Variants in AP1S3 observed in about 807,000 individuals in gnomAD.
AP1S3 encodes AP-1 complex subunit sigma-3.
Under a neutral mutation model 20.9 loss-of-function variants are expected in AP1S3, and 10 were observed. The observed-to-expected ratio is 0.48, with a 90% confidence interval of 0.29 to 0.81. The LOEUF (loss-of-function observed/expected upper bound fraction) is 0.81. Among genes scored for constraint, AP1S3 ranks in the 30% least tolerant of loss-of-function variants. The pLI is 0.08. For missense variants in AP1S3, 154 were observed against 183.8 expected, an observed-to-expected ratio of 0.84 and a Z score of 0.94; for synonymous variants, 41 against 61.5, an observed-to-expected ratio of 0.67 and a Z score of 1.56.
chr2:223,758,376 C>T lies in AP1S3; in HGVS notation c.*339G>A. On this transcript the variant is annotated 3_prime_UTR_variant, in exon 5 of 5. Coordinates refer to ENST00000396654, the MANE Select transcript of AP1S3 (RefSeq NM_001039569.2). The stretch of plus-strand genomic sequence containing the variant: ...GATTATTACAATATTGTGTCAAATG[C>T]AAAAAAAATTGCAGCTAATGTATCT... 1 of 1,032,294 alleles carries T rather than the reference C, an allele frequency of 9.7e-7. No homozygotes were observed. The highest frequency in any genetic ancestry group is 1.2e-6 in the Non-Finnish European group (1 of 860,766). 63.9% of individuals were successfully genotyped at this position (1,032,294 alleles called of 1,614,324 possible).
chr2:223,771,336 C>T (rs886934568), intron 3 of AP1S3, among the ~76,000 whole-genome samples: 4 of 151,874 alleles, frequency 2.6e-5, no homozygotes, highest in Non-Finnish European at 5.9e-5. Context: ...GACTCTGTCT[C>T]GGGAAAAAGA....
At chr2:223,772,115 T>A (rs899977738) in intron 3 of AP1S3, among the ~76,000 whole-genome samples, 1 of 152,066 alleles carries the variant, frequency 6.6e-6, no homozygotes, top group African/African-American at 2.4e-5. Context: ...CTCAAAAAAA[T>A]AAATAAATAA....
rs1692330066 is a variant in AP1S3, at chr2:223,833,713, G to T, written c.3+3735C>A. Among the ~76,000 whole-genome samples the T allele has an allele frequency of 2.0e-5, 3 of 152,244 alleles. No individual in the cohort carries two copies. The South Asian group carries it at 6.2e-4, about 32-fold the overall frequency. On this transcript the variant is annotated intron_variant, in intron 1 of 4. Coordinates refer to ENST00000396654, the MANE Select transcript of AP1S3 (RefSeq NM_001039569.2). ...CTCAGAGCAGCTGGGCACTAGCGAG[G>T]GCCGCCAATTCTTTCTTACAACTTG... is the stretch of plus-strand genomic sequence containing the variant.
At position 223,755,529 on chromosome 2, in the gene AP1S3, A is replaced by AT. The variant is rs66977512; in HGVS notation, c.*3185dup. Among the ~76,000 whole-genome samples, 24,439 of 118,212 alleles carry AT rather than the reference A, an allele frequency of 0.21. 4,323 individuals are homozygous for AT. The highest frequency in any genetic ancestry group is 0.48 in the East Asian group (2,080 of 4,340). The allele number at this position is 118,212 out of a possible 152,430, so 77.6% of individuals were successfully genotyped here. ...CATATAGATATGTTTACTTACTTTC[A>AT]TTTTTTTTTTTTTTTTTTTGAGACA... On this transcript the variant is annotated 3_prime_UTR_variant, in exon 5 of 5. Transcript: ENST00000396654.
intron 1 of AP1S3, among the ~76,000 whole-genome samples, chr2:223,814,810 T>A (rs1207842271): frequency 1.3e-5 from 2 of 152,220 alleles, no homozygotes; most frequent in African/African-American, 4.8e-5. Flanking sequence ...AGGGTCTTAC[T>A]CTGTCACCCA....
At chr2:223,821,330 T>C (rs1276744287) in intron 1 of AP1S3, among the ~76,000 whole-genome samples, 2 of 151,986 alleles carry the variant, frequency 1.3e-5, no homozygotes, top group African/African-American at 4.8e-5. Flanking sequence ...TAATTTTTTG[T>C]ATTTTTAGTA....
At chr2:223,781,994 G>A (rs1690959089) in intron 1 of AP1S3, among the ~76,000 whole-genome samples, 1 of 151,134 alleles carries the variant, frequency 6.6e-6, no homozygotes. Context: ...TCACTGATTT[G>A]GAGATAGGCT....
rs775000674 is a variant in AP1S3 at position 223,828,295 on chromosome 2, C to CTTT, written c.3+9150_3+9152dup. 7.4e-3 allele frequency among the ~76,000 whole-genome samples: 972 copies of CTTT among 131,370 alleles called. 51 individuals are homozygous for CTTT. Among genetic ancestry groups the CTTT allele is most frequent in the African/African-American group, 0.025 (881 of 35,456 alleles). 86.2% of individuals were successfully genotyped at this position (131,370 alleles called of 152,430 possible). On this transcript the variant is annotated intron_variant, in intron 1 of 4. Coordinates refer to ENST00000396654, the MANE Select transcript of AP1S3 (RefSeq NM_001039569.2). ...CCCCTCACCACATTCTCCTCTCTCT[C>CTTT]TTTTTTTTTTTTTTTTTTTGAGACA...
intron 2 of AP1S3, 99 bp from the exon 3 acceptor site, chr2:223,776,108 G>T: frequency 1.2e-6 from 1 of 811,696 alleles, no homozygotes; most frequent in Non-Finnish European, 2.1e-6. Context: ...CCCCCGCCGA[G>T]CCTCTCCTCA....
At chr2:223,770,099 C>A (rs1014042535) in intron 3 of AP1S3, 10 of 1,472,434 alleles carry the variant, frequency 6.8e-6, no homozygotes. Flanking sequence ...AAATATGCAT[C>A]ATTTTTGCAG....
Position 223,755,952 on chromosome 2 carries a change from T to C in AP1S3, c.*2763A>G, listed in dbSNP as rs192303031. ...GTATATTTGAATGAGGTTCAAGAGA[T>C]ACCTTTATCCAAATATGGTGACAAA... On this transcript the variant is annotated 3_prime_UTR_variant, in exon 5 of 5. Transcript: ENST00000396654. 2.0e-6 allele frequency: 2 copies of C among 985,360 alleles called. No homozygotes were observed. The highest frequency in any genetic ancestry group is 2.4e-6 in the Non-Finnish European group (2 of 829,950). The allele number at this position is 985,360 out of a possible 1,614,324, so 61.0% of individuals were successfully genotyped here.
At chr2:223,811,931 A>G (rs1691740010) in intron 1 of AP1S3, among the ~76,000 whole-genome samples, 1 of 152,222 alleles carries the variant, frequency 6.6e-6, no homozygotes, top group Non-Finnish European at 1.5e-5. Flanking sequence ...TCAGTTCTAC[A>G]TGTTTATGTA....
intron 1 of AP1S3, among the ~76,000 whole-genome samples, chr2:223,782,738 T>C (rs1559281808): frequency 6.6e-6 from 1 of 152,144 alleles, no homozygotes; most frequent in Non-Finnish European, 1.5e-5. Context: ...CAGCAACAAA[T>C]AGATTCAAGC....
intron 1 of AP1S3, among the ~76,000 whole-genome samples, chr2:223,793,600 A>C (rs1037002964): frequency 6.6e-6 from 1 of 152,138 alleles, no homozygotes; most frequent in Non-Finnish European, 1.5e-5. Context: ...AGAATAGCTA[A>C]GGAGGAAGAG....
chr2:223,775,960 G>A lies in AP1S3; in HGVS notation c.232C>T (p.Leu78Phe). Residue 78 changes from leucine to phenylalanine, a missense_variant, in exon 3 of 5, where the codon CTC (leucine) becomes TTC (phenylalanine). Leu to Phe is a conservative substitution (Grantham distance 22). Coordinates refer to ENST00000396654, the MANE Select transcript of AP1S3 (RefSeq NM_001039569.2). The stretch of plus-strand genomic sequence containing the variant: ...CGATGCACAATCTCTAGCGTCAAGA[G>A]CTCATTGTCCTGATTTTCTATTGCA... ...CCAIENQDNE[L>F]LTLEIVHRYV... The A allele has an allele frequency of 1.2e-6, 2 of 1,614,110 alleles. No individual in the cohort carries two copies. The highest frequency in any genetic ancestry group is 1.7e-6 in the Non-Finnish European group (2 of 1,180,000).
chr2:223,805,343 A>G (rs976019472), intron 1 of AP1S3, among the ~76,000 whole-genome samples: 1 of 152,112 alleles, frequency 6.6e-6, no homozygotes. Flanking sequence ...CTCGGGAGCC[A>G]GAGGCAGGAG....
intron 1 of AP1S3, among the ~76,000 whole-genome samples, chr2:223,798,667 G>C (rs16865217): frequency 0.016 from 2,473 of 152,312 alleles, 74 homozygotes; most frequent in African/African-American, 0.056. Context: ...TAGACAGGTA[G>C]TTACACTGAA....
rs183365271 is a variant in AP1S3 at position 223,825,205 on chromosome 2, C to T, written c.3+12243G>A. On this transcript the variant is annotated intron_variant, in intron 1 of 4. Transcript: ENST00000396654. ...GCGGGCGCCTGTAGTCCCAGCTACT[C>T]CTGAGGCTGAGATAGGAGAATGGCG... Among the ~76,000 whole-genome samples, 390 of 151,576 alleles carry T rather than the reference C, an allele frequency of 2.6e-3. 4 individuals carry two copies. The highest frequency in any genetic ancestry group is 9.1e-3 in the African/African-American group (375 of 41,316).
intron 1 of AP1S3, among the ~76,000 whole-genome samples, chr2:223,836,403 C>A (rs934657157): frequency 1.3e-5 from 2 of 152,208 alleles, no homozygotes; most frequent in African/African-American, 4.8e-5. Flanking sequence ...GACCCCCTAT[C>A]CCCTGCCCTT....
Sources: gnomAD v4.1 joint callset for allele counts (sites outside exome capture counted in the v4.1 genomes callset) on GRCh38, gnomAD v4.1.1 for gene constraint, MANE v1.5 for transcripts, NCBI Gene and HGNC (gene_info 2026-07-23, HGNC 2026-07-21) for gene names.